The following GASK1A variants were observed in gnomAD, a reference collection of about 807,000 sequenced individuals.
The protein encoded by GASK1A is Golgi-associated kinase 1A.
A neutral mutation model predicts 41.2 loss-of-function variants in GASK1A; 40 were observed. The ratio of observed to expected loss-of-function variants is 0.97; its 90% CI spans 0.75 to 1.27. GASK1A has a LOEUF of 1.27. Ranked by LOEUF, GASK1A falls within the 50% of genes most tolerant of loss-of-function variation. GASK1A has a pLI of 0.00. For missense variants in GASK1A, 678 were observed against 745.1 expected (o/e 0.91, Z 1.05); for synonymous variants, 316 against 307.1 (o/e 1.03, Z -0.30).
intron 2 of GASK1A, among the ~76,000 whole-genome samples, chr3:43,046,815 T>G (rs1406677435): frequency 6.6e-6 from 1 of 152,178 alleles, no homozygotes; most frequent in Non-Finnish European, 1.5e-5. Context: ...CTTGGTGCCC[T>G]CCATCCCAGC....
chr3:42,986,430 T>G (rs1396617489), intron 1 of GASK1A, among the ~76,000 whole-genome samples: 1 of 152,108 alleles, frequency 6.6e-6, no homozygotes, highest in Non-Finnish European at 1.5e-5. Context: ...GTGTTAAAAC[T>G]CATAGAATGA....
Sources: gnomAD v4.1 joint callset for allele counts (sites outside exome capture counted in the v4.1 genomes callset) on GRCh38, gnomAD v4.1.1 for gene constraint, MANE v1.5 for transcripts, NCBI Gene and HGNC (gene_info 2026-07-23, HGNC 2026-07-21) for gene names.